The following SREK1IP1 variants were observed in gnomAD, a reference collection of about 807,000 sequenced individuals.
SREK1IP1 encodes SREK1 interacting protein 1.
Under a neutral mutation model 22.8 loss-of-function variants are expected in SREK1IP1, and 12 were observed. That is an observed-to-expected ratio of 0.53 (90% CI 0.34 to 0.85). The LOEUF is 0.85. SREK1IP1 is among the 40% of genes least tolerant of loss of function. The pLI, the probability that SREK1IP1 is intolerant of heterozygous loss-of-function variation, is 0.02. For synonymous variants in SREK1IP1, 53 were observed against 52.7 expected (o/e 1.01, Z -0.02); for missense variants, 147 against 171.8 (o/e 0.86, Z 0.81).
rs1192215539 is a variant in SREK1IP1 at position 64,719,905 on chromosome 5, G to A, written c.*4479C>T. 1 of 152,218 alleles carries A rather than the reference G, an allele frequency of 6.6e-6. No individual in the cohort carries two copies. Among genetic ancestry groups the A allele is most frequent in the Non-Finnish European group, 1.5e-5 (1 of 68,040 alleles). The allele number at this position is 152,218 out of a possible 1,614,324, so 9.4% of individuals were successfully genotyped here. ...AACCTACTGTTCTTGGGCACCCAAT[G>A]TCCAGGAAGTTTTGGTCTCAGCACT... On this transcript the variant is annotated 3_prime_UTR_variant, in exon 5 of 5. Coordinates refer to ENST00000513458, the MANE Select transcript of SREK1IP1 (RefSeq NM_173829.4).
chr5:64,729,727 A>T (rs781239621), intron 3 of SREK1IP1, among the ~76,000 whole-genome samples: 5 of 152,192 alleles, frequency 3.3e-5, no homozygotes, highest in Non-Finnish European at 5.9e-5. Flanking sequence ...TGTGCGAAGG[A>T]TGATGGAACG....
At chr5:64,744,632 T>C (rs61002189) in intron 2 of SREK1IP1, among the ~76,000 whole-genome samples, 10,155 of 152,286 alleles carry the variant, frequency 0.067, 1,106 homozygotes, top group African/African-American at 0.23. Flanking sequence ...CAATCAAATA[T>C]GTGTTTTTTC....
intron 1 of SREK1IP1, 176 bp from the exon 2 acceptor site, chr5:64,754,538 C>T (rs1170269493): frequency 7.1e-6 from 4 of 563,258 alleles, no homozygotes; most frequent in Admixed American, 3.0e-5. Flanking sequence ...GATCACAGCT[C>T]ACTACAGCCT....
chr5:64,736,867 G>C (rs1742471304), intron 3 of SREK1IP1, among the ~76,000 whole-genome samples: 1 of 150,716 alleles, frequency 6.6e-6, no homozygotes, highest in Non-Finnish European at 1.5e-5. Flanking sequence ...TACTTGGTCT[G>C]ACATTAAAAT....
intron 3 of SREK1IP1, 116 bp downstream of exon 3, chr5:64,740,941 G>C (rs1468904851): frequency 2.2e-6 from 2 of 907,490 alleles, no homozygotes; most frequent in East Asian, 5.3e-5. Flanking sequence ...TATTTCCTAT[G>C]CAGTAGCTCT....
chr5:64,757,859 ATCTTT>A (rs1183750613), intron 1 of SREK1IP1, among the ~76,000 whole-genome samples: 1 of 91,396 alleles, frequency 1.1e-5, no homozygotes, highest in African/African-American at 4.3e-5. Flanking sequence ...TTAGGTTCCT[ATCTTT>A]TTTTTTTTTT....
chr5:64,736,394 A>T (rs909693953), intron 3 of SREK1IP1, among the ~76,000 whole-genome samples: 2 of 152,136 alleles, frequency 1.3e-5, no homozygotes, highest in African/African-American at 2.4e-5. Context: ...GTCTATCCAT[A>T]AGAATTTTTA....
chr5:64,763,485 C>T (rs1038541861), intron 1 of SREK1IP1, among the ~76,000 whole-genome samples: 55 of 150,860 alleles, frequency 3.6e-4, no homozygotes, highest in African/African-American at 1.3e-3. Flanking sequence ...TGCAGTGAGC[C>T]GAGACAGTGC....
intron 4 of SREK1IP1, among the ~76,000 whole-genome samples, chr5:64,727,405 T>A (rs902761521): frequency 3.3e-5 from 5 of 150,220 alleles, no homozygotes; most frequent in Non-Finnish European, 5.9e-5. Context: ...TGGAAGGAAG[T>A]TGTGATGCTA....
chr5:64,747,098 CA>C (rs1269186473), intron 2 of SREK1IP1, among the ~76,000 whole-genome samples: 1 of 152,188 alleles, frequency 6.6e-6, no homozygotes, highest in Non-Finnish European at 1.5e-5. Context: ...CTGTGTGCCA[CA>C]ATCGTGGCAC....
chr5:64,757,195 G>T (rs1450505903), intron 1 of SREK1IP1, among the ~76,000 whole-genome samples: 5 of 152,188 alleles, frequency 3.3e-5, no homozygotes, highest in African/African-American at 9.6e-5. Context: ...CCAGGAATTT[G>T]GGGCCAGCCT....
chr5:64,756,429 G>A (rs1206734082), intron 1 of SREK1IP1, among the ~76,000 whole-genome samples: 2 of 151,964 alleles, frequency 1.3e-5, no homozygotes. Flanking sequence ...TGTCTTTTGG[G>A]CCTGGATTAT....
intron 1 of SREK1IP1, among the ~76,000 whole-genome samples, chr5:64,763,324 G>A (rs1742983457): frequency 6.6e-6 from 1 of 152,102 alleles, no homozygotes; most frequent in Non-Finnish European, 1.5e-5. Context: ...GGGTCACAGG[G>A]TCAGGAGATC....
intron 1 of SREK1IP1, among the ~76,000 whole-genome samples, chr5:64,768,070 G>A (rs1743084983): frequency 6.6e-6 from 1 of 152,180 alleles, no homozygotes. Flanking sequence ...GAAGAGCTAG[G>A]AGTAGAACCC....
intron 1 of SREK1IP1, among the ~76,000 whole-genome samples, chr5:64,758,855 T>C (rs1742896168): frequency 6.6e-6 from 1 of 152,198 alleles, no homozygotes; most frequent in South Asian, 2.1e-4. Context: ...GACAGGGAAA[T>C]ATAACCAGAA....
At chr5:64,749,089 A>AATAATAAT (rs1561389087) in intron 2 of SREK1IP1, among the ~76,000 whole-genome samples, 38 of 147,776 alleles carry the variant, frequency 2.6e-4, no homozygotes, top group African/African-American at 9.1e-4. Flanking sequence ...TAATAATAAT[A>AATAATAAT]ATAATAATAA....
chr5:64,751,246 G>C lies in SREK1IP1; in HGVS notation c.61+3069C>G, dbSNP rs565227751. Among the ~76,000 whole-genome samples, 5 of 151,978 alleles carry C rather than the reference G, an allele frequency of 3.3e-5. No individual in the cohort carries two copies. The East Asian group carries it at 9.6e-4, about 29-fold the overall frequency. On this transcript the variant is annotated intron_variant, in intron 2 of 4. Transcript: ENST00000513458. ...CTTGTTTCTTCTGCCATATTTTCCC[G>C]GTCACTTTTCCCTCGGTTTATGCCT... is the stretch of plus-strand genomic sequence containing the variant.
intron 4 of SREK1IP1, among the ~76,000 whole-genome samples, chr5:64,726,332 T>C (rs563768707): frequency 9.9e-5 from 15 of 151,832 alleles, no homozygotes; most frequent in Non-Finnish European, 1.9e-4. Context: ...TAAAAAATAT[T>C]TGGGAGGCTG....
At chr5:64,732,287 T>G (rs1742394180) in intron 3 of SREK1IP1, among the ~76,000 whole-genome samples, 1 of 152,048 alleles carries the variant, frequency 6.6e-6, no homozygotes, top group African/African-American at 2.4e-5. Flanking sequence ...TACTTGGAAA[T>G]AACAAAACAC....
Sources: gnomAD v4.1 joint callset for allele counts (sites outside exome capture counted in the v4.1 genomes callset) on GRCh38, gnomAD v4.1.1 for gene constraint, MANE v1.5 for transcripts, NCBI Gene and HGNC (gene_info 2026-07-23, HGNC 2026-07-21) for gene names.